The following TNRC18 variants were observed in gnomAD, a reference collection of about 807,000 sequenced individuals.
The protein encoded by TNRC18 is trinucleotide repeat containing 18.
TNRC18 carries 69 observed loss-of-function variants against 226.7 expected under a neutral mutation model. The ratio of observed to expected loss-of-function variants is 0.30; its 90% CI spans 0.25 to 0.37. The LOEUF (loss-of-function observed/expected upper bound fraction) is 0.37, where lower values mean the gene tolerates loss of function less well. TNRC18 is among the 10% of genes least tolerant of loss of function. TNRC18 has a pLI of 1.00. For synonymous variants in TNRC18, 2,449 were observed against 1,927.6 expected (o/e 1.27, Z -7.09); for missense variants, 4,754 against 4,256.6 (o/e 1.12, Z -3.25).
rs114111028 is a variant in TNRC18 at position 5,371,545 on chromosome 7, A to C, written c.3230-181T>G. On this transcript the variant is annotated intron_variant, in intron 10 of 29. Coordinates refer to ENST00000430969, the MANE Select transcript of TNRC18 (RefSeq NM_001080495.3). ...AACCCCAGGGCCATGCAGTGGCCCC[A>C]AAGTGAAAAACCAGCCACCTTCTTG... Among the ~76,000 whole-genome samples, 1,519 of 152,296 alleles carry C rather than the reference A, an allele frequency of 1.0e-2. 24 individuals are homozygous for C. Among genetic ancestry groups the C allele is most frequent in the African/African-American group, 0.035 (1,437 of 41,560 alleles).
At chr7:5,373,294 A>G (rs910851492) in intron 10 of TNRC18, among the ~76,000 whole-genome samples, 16 of 152,186 alleles carry the variant, frequency 1.1e-4, no homozygotes, top group African/African-American at 3.1e-4. Context: ...ACTGCAGTAC[A>G]AGCTGGGGCA....
In TNRC18 at chr7:5,309,116, C is replaced by T. The variant is rs373797992; in HGVS notation, c.8625+16G>A. The T allele has an allele frequency of 3.6e-4, 580 of 1,591,228 alleles. No homozygotes were observed. In the African/African-American group the frequency reaches 6.7e-3, roughly 18 times the overall value. On this transcript the variant is annotated intron_variant, in intron 28 of 29. Coordinates refer to ENST00000430969, the MANE Select transcript of TNRC18 (RefSeq NM_001080495.3). The surrounding 1 kb of genome is among the most constrained non-coding windows in gnomAD (Gnocchi z 5.7). ...ACCGCCTAGGACTGGGGGCCGCAGC[C>T]GGGCCGCAGGCTCACCTGGCCCTGG...
At chr7:5,420,434 C>T (rs1270521162) in intron 2 of TNRC18, 1 of 455,666 alleles carries the variant, frequency 2.2e-6, no homozygotes, top group Non-Finnish European at 4.4e-6. Flanking sequence ...GGGGTCGCCG[C>T]CCTCCTACCG....
intron 19 of TNRC18, among the ~76,000 whole-genome samples, chr7:5,328,575 C>A (rs941969138): frequency 2.0e-5 from 3 of 151,320 alleles, no homozygotes; most frequent in African/African-American, 7.3e-5. Context: ...GTGGCACAAT[C>A]TCGGCTCACT....
intron 2 of TNRC18, among the ~76,000 whole-genome samples, chr7:5,414,732 T>C (rs11770204): frequency 0.046 from 7,066 of 152,274 alleles, 209 homozygotes; most frequent in Non-Finnish European, 0.065. Flanking sequence ...TATTCTTATT[T>C]CCTAAGAACA....
intron 11 of TNRC18, among the ~76,000 whole-genome samples, chr7:5,364,197 T>C (rs1050828505): frequency 6.6e-6 from 1 of 151,606 alleles, no homozygotes; most frequent in Non-Finnish European, 1.5e-5. Flanking sequence ...TATTCGGGGG[T>C]TGAGGCATAA....
intron 10 of TNRC18, among the ~76,000 whole-genome samples, chr7:5,373,382 G>C (rs1794338667): frequency 6.6e-6 from 1 of 152,128 alleles, no homozygotes; most frequent in East Asian, 1.9e-4. Flanking sequence ...ATCTCCCTGA[G>C]AGCAGGGCTG....
At chr7:5,317,377 G>A (rs547697968) in intron 24 of TNRC18, among the ~76,000 whole-genome samples, 1 of 152,108 alleles carries the variant, frequency 6.6e-6, no homozygotes, top group Non-Finnish European at 1.5e-5. Flanking sequence ...ATCACCTGAG[G>A]TCACGAGTTC....
intron 2 of TNRC18, among the ~76,000 whole-genome samples, chr7:5,417,363 G>A (rs918900923): frequency 7.3e-5 from 11 of 151,716 alleles, no homozygotes; most frequent in African/African-American, 1.7e-4. Context: ...CTAGCTACTC[G>A]GGAGGCTGAG....
chr7:5,336,836 G>A (rs1790160365), intron 18 of TNRC18, among the ~76,000 whole-genome samples: 1 of 152,204 alleles, frequency 6.6e-6, no homozygotes, highest in Non-Finnish European at 1.5e-5. Flanking sequence ...ATGATTAAGA[G>A]AAAAGTAAGC....
chr7:5,422,161 G>A (rs1458270189), intron 1 of TNRC18, among the ~76,000 whole-genome samples: 1 of 152,080 alleles, frequency 6.6e-6, no homozygotes, highest in Non-Finnish European at 1.5e-5. Flanking sequence ...CCGAGACGTG[G>A]CATTCTCGCC....
At chr7:5,410,820 C>T (rs1781789519) in intron 2 of TNRC18, among the ~76,000 whole-genome samples, 1 of 135,034 alleles carries the variant, frequency 7.4e-6, no homozygotes, top group African/African-American at 2.9e-5. Flanking sequence ...GAGATCTCGC[C>T]ACTGCAATCC....
intron 26 of TNRC18, among the ~76,000 whole-genome samples, chr7:5,314,434 C>G (rs1396566650): frequency 6.6e-6 from 1 of 152,168 alleles, no homozygotes; most frequent in Non-Finnish European, 1.5e-5. Flanking sequence ...TCTCTGGATT[C>G]TGGAAAGAAA....
Position 5,389,581 on chromosome 7 carries a change from G to A in TNRC18, c.488-245C>T, listed in dbSNP as rs67800908. 0.53 allele frequency: 162,722 copies of A among 309,490 alleles called. 44,209 individuals carry two copies. Among genetic ancestry groups the A allele is most frequent in the East Asian group, 0.81 (13,616 of 16,720 alleles). 19.2% of individuals were successfully genotyped at this position (309,490 alleles called of 1,614,324 possible). ...GCGATTCTCCTGCCTCAGCCTCTCC[G>A]GTAGCTGGGATTACAGGCGCACCCC... On this transcript the variant is annotated intron_variant, in intron 4 of 29. Transcript: ENST00000430969.
At position 5,324,823 on chromosome 7, in the gene TNRC18, G is replaced by C. The variant is rs539063138; in HGVS notation, c.6300+273C>G. On this transcript the variant is annotated intron_variant, in intron 20 of 29. Transcript: ENST00000430969. This position sits in a 1 kb window ranked among gnomAD's most constrained non-coding sequence, Gnocchi z 4.8. Reference sequence around the variant, plus strand: ...AGGGCCCTGTGAGGACCTGGTGCTGGGCTGGGGGCCTGTCACCCAGGTCTC... The same window carrying C: ...AGGGCCCTGTGAGGACCTGGTGCTGCGCTGGGGGCCTGTCACCCAGGTCTC... Among the ~76,000 whole-genome samples the C allele has an allele frequency of 1.7e-3, 265 of 152,284 alleles. 4 individuals carry two copies. In the South Asian group the frequency reaches 0.019, roughly 11 times the overall value.
At chr7:5,382,892 C>T (rs940358077) in intron 5 of TNRC18, among the ~76,000 whole-genome samples, 4 of 152,012 alleles carry the variant, frequency 2.6e-5, no homozygotes, top group East Asian at 1.9e-4. Context: ...TCAACGGCAA[C>T]GATTGCTTTC....
Position 5,315,150 on chromosome 7 carries a change from T to C in TNRC18, c.6863-2A>G. On this transcript the variant is annotated splice_acceptor_variant, in intron 25 of 29. Transcript: ENST00000430969. LOFTEE classifies it high-confidence loss of function. ...GAAGGGCCGGGGACGGCTCAGCACC[T>C]GTGGGGCAGAGGACAGAGTGGCTCA... is the stretch of plus-strand genomic sequence containing the variant. The C allele has an allele frequency of 6.2e-7, 1 of 1,611,278 alleles. No homozygotes were observed.
At position 5,311,829 on chromosome 7, in the gene TNRC18, AAAAG is replaced by A. The variant is rs199935547; in HGVS notation, c.8388+670_8388+673del. On this transcript the variant is annotated intron_variant, in intron 27 of 29. Transcript: ENST00000430969. ...CAAGATCCTGTCTCTTAAAAAAAAA[AAAAG>A]AAAGAAAGAAAAGAAAAAGCCAGGC... 5.6e-3 allele frequency among the ~76,000 whole-genome samples: 823 copies of A among 147,982 alleles called. 6 individuals carry two copies. The highest frequency in any genetic ancestry group is 0.01 in the Middle Eastern group (3 of 286).
chr7:5,405,256 T>C (rs534812822), intron 2 of TNRC18, among the ~76,000 whole-genome samples: 214 of 152,106 alleles, frequency 1.4e-3, no homozygotes, highest in African/African-American at 4.8e-3. Context: ...GGCAAAACCC[T>C]GTCTCTACTA....
Sources: allele counts gnomAD v4.1 joint callset (sites outside exome capture counted in the v4.1 genomes callset), GRCh38; gene constraint gnomAD v4.1.1; non-coding constraint Gnocchi (gnomAD v3.1); transcripts MANE v1.5; gene names NCBI Gene and HGNC (gene_info 2026-07-23, HGNC 2026-07-21).